Variants in USP6NL observed in about 807,000 individuals in gnomAD.
USP6NL encodes the protein USP6 N-terminal like.
USP6NL carries 26 observed loss-of-function variants against 61.9 expected under a neutral mutation model. The ratio of observed to expected loss-of-function variants is 0.42; its 90% CI spans 0.31 to 0.58. The LOEUF (loss-of-function observed/expected upper bound fraction) is 0.58, where lower values mean the gene tolerates loss of function less well. USP6NL is among the 20% of genes least tolerant of loss of function. USP6NL has a pLI of 0.16. For missense variants in USP6NL, 1,114 were observed against 1,034.3 expected, an observed-to-expected ratio of 1.08 and a Z score of -1.06; for synonymous variants, 432 against 390.1, an observed-to-expected ratio of 1.11 and a Z score of -1.27.
chr10:11,463,754 C>G lies in USP6NL; in HGVS notation c.1174G>C (p.Val392Leu). The change falls in exon 15 of 15, where the codon GTG becomes CTG. Residue 392 changes from valine to leucine, a missense_variant. Transcript: ENST00000609104. This position sits in a 1 kb window ranked among gnomAD's most constrained non-coding sequence, Gnocchi z 6.3. ...CTGGCCAGCGGGCTCGGCCGGCCCA[C>G]GCTCCTCTGTCCGTTGCTCAAGTGA... ...VHHLSNGQRS[V>L]GRPSPLASGR... 1.3e-6 allele frequency: 2 copies of G among 1,584,530 alleles called. No homozygotes were observed. Among genetic ancestry groups the G allele is most frequent in the South Asian group, 2.3e-5 (2 of 87,100 alleles).
intron 14 of USP6NL, among the ~76,000 whole-genome samples, chr10:11,469,196 T>G (rs1397348287): frequency 6.6e-6 from 1 of 152,186 alleles, no homozygotes; most frequent in Admixed American, 6.5e-5. Flanking sequence ...CATCTTAAAG[T>G]TCTTTCATGG....
intron 2 of USP6NL, among the ~76,000 whole-genome samples, chr10:11,582,081 CAGCCTCCCG>C (rs1293982897): frequency 1.3e-5 from 2 of 152,226 alleles, no homozygotes; most frequent in Non-Finnish European, 2.9e-5. Flanking sequence ...TCTCCTGCCA[CAGCCTCCCG>C]AGTAGCTGGA....
rs1380361056 is a variant in USP6NL at position 11,489,891 on chromosome 10, A to G, written c.544-669T>C. Among the ~76,000 whole-genome samples, 2 of 152,218 alleles carry G rather than the reference A, an allele frequency of 1.3e-5. No homozygotes were observed. The highest frequency in any genetic ancestry group is 2.9e-5 in the Non-Finnish European group (2 of 68,034). On this transcript the variant is annotated intron_variant, in intron 9 of 14. Transcript: ENST00000609104. The surrounding 1 kb of genome is among the most constrained non-coding windows in gnomAD (Gnocchi z 5.7). ...TACGTACTGGAACAGAATGCTCACA[A>G]TGAATCTGTGGGTGCAATCTGAGCC...
chr10:11,547,400 G>C (rs1395667338), intron 2 of USP6NL, among the ~76,000 whole-genome samples: 1 of 152,110 alleles, frequency 6.6e-6, no homozygotes, highest in Non-Finnish European at 1.5e-5. Flanking sequence ...CGGCAGAGCG[G>C]GATGTGAACA....
In USP6NL at chr10:11,490,994, T is replaced by A; in HGVS notation, c.495-114A>T. On this transcript the variant is annotated intron_variant, in intron 8 of 14. Transcript: ENST00000609104. The surrounding 1 kb of genome is among the most constrained non-coding windows in gnomAD (Gnocchi z 4.5). ...TGAAAACAGATAATCCAGATAAAAT[T>A]ACTAATGTAATAAATTATCCCAAGT... is the stretch of plus-strand genomic sequence containing the variant. 3.4e-6 allele frequency: 3 copies of A among 888,806 alleles called. No individual in the cohort carries two copies. Among genetic ancestry groups the A allele is most frequent in the Non-Finnish European group, 4.9e-6 (3 of 607,286 alleles). The allele number at this position is 888,806 out of a possible 1,614,324, so 55.1% of individuals were successfully genotyped here. A position where few individuals can be genotyped will look rare whatever the true frequency, so the allele number is the denominator to read the frequency against.
At chr10:11,590,447 A>G (rs1213703054) in intron 2 of USP6NL, among the ~76,000 whole-genome samples, 1 of 152,206 alleles carries the variant, frequency 6.6e-6, no homozygotes, top group South Asian at 2.1e-4. Context: ...TCCAGATACT[A>G]TTGTAAAAAC....
At chr10:11,583,701 C>A (rs1235146899) in intron 2 of USP6NL, among the ~76,000 whole-genome samples, 2 of 152,118 alleles carry the variant, frequency 1.3e-5, no homozygotes, top group African/African-American at 4.8e-5. Flanking sequence ...TAGATTCCAA[C>A]AAAGCTATCA....
intron 2 of USP6NL, among the ~76,000 whole-genome samples, chr10:11,590,241 A>G (rs1838117386): frequency 6.6e-6 from 1 of 152,176 alleles, no homozygotes; most frequent in Admixed American, 6.6e-5. Flanking sequence ...TCCAAAAAAA[A>G]GTCACACCAA....
intron 2 of USP6NL, among the ~76,000 whole-genome samples, chr10:11,571,144 C>T (rs971272227): frequency 4.6e-5 from 7 of 150,876 alleles, no homozygotes; most frequent in South Asian, 2.1e-4. Flanking sequence ...AGTGCAATGG[C>T]GCAATCTCAG....
rs949568782 is a variant in USP6NL, at chr10:11,495,884, G to A, written c.385-2656C>T. ...ACACAAAAAAGCTGCATGCCTGGGTGAGGCTTCCTGACTGTGATCCTGCTC... is the reference window on the plus strand; with the variant it reads ...ACACAAAAAAGCTGCATGCCTGGGTAAGGCTTCCTGACTGTGATCCTGCTC... On this transcript the variant is annotated intron_variant, in intron 7 of 14. Transcript: ENST00000609104. The surrounding 1 kb of genome is among the most constrained non-coding windows in gnomAD (Gnocchi z 4.6). Among the ~76,000 whole-genome samples, 4 of 152,214 alleles carry A rather than the reference G, an allele frequency of 2.6e-5. No homozygotes were observed. The highest frequency in any genetic ancestry group is 9.6e-5 in the African/African-American group (4 of 41,456).
intron 2 of USP6NL, among the ~76,000 whole-genome samples, chr10:11,593,591 T>C (rs1838227120): frequency 6.6e-6 from 1 of 152,212 alleles, no homozygotes; most frequent in South Asian, 2.1e-4. Flanking sequence ...AGGCTTTTTG[T>C]GGATTGTAAT....
chr10:11,603,672 A>G (rs572470290), intron 1 of USP6NL, among the ~76,000 whole-genome samples: 2 of 152,372 alleles, frequency 1.3e-5, no homozygotes, highest in African/African-American at 4.8e-5. Context: ...TTTAATAGAT[A>G]TTAATTCAGC....
chr10:11,518,528 G>A lies in USP6NL; in HGVS notation c.195+7C>T. ...GTAACTGTAAATACATCAAGAGCAG[G>A]ACTTACCCGTTCCACAGCCACATTA... is the stretch of plus-strand genomic sequence containing the variant. On this transcript the variant is annotated splice_region_variant and intron_variant, in intron 5 of 14. Coordinates refer to ENST00000609104, the MANE Select transcript of USP6NL (RefSeq NM_014688.5). This position sits in a 1 kb window ranked among gnomAD's most constrained non-coding sequence, Gnocchi z 5.3. The A allele has an allele frequency of 1.2e-6, 2 of 1,612,040 alleles. No homozygotes were observed. Among genetic ancestry groups the A allele is most frequent in the Non-Finnish European group, 1.7e-6 (2 of 1,178,676 alleles).
chr10:11,483,785 C>T (rs1447697590), intron 13 of USP6NL, among the ~76,000 whole-genome samples: 1 of 151,884 alleles, frequency 6.6e-6, no homozygotes, highest in East Asian at 1.9e-4. Flanking sequence ...CTGGAAGACA[C>T]ATAGTCAATT....
intron 2 of USP6NL, among the ~76,000 whole-genome samples, chr10:11,542,334 T>C (rs982737819): frequency 5.9e-5 from 9 of 152,224 alleles, no homozygotes; most frequent in Non-Finnish European, 2.9e-5. Flanking sequence ...TTAATAGATG[T>C]TTTTTAAATG....
At chr10:11,469,894 G>A (rs1330042150) in intron 14 of USP6NL, among the ~76,000 whole-genome samples, 1 of 152,120 alleles carries the variant, frequency 6.6e-6, no homozygotes, top group Non-Finnish European at 1.5e-5. Context: ...CTGCACCAAC[G>A]TCCATCTCCC....
At chr10:11,472,367 C>A (rs1479127338) in intron 14 of USP6NL, among the ~76,000 whole-genome samples, 1 of 152,224 alleles carries the variant, frequency 6.6e-6, no homozygotes, top group Non-Finnish European at 1.5e-5. Flanking sequence ...ACAAGCCTCG[C>A]CCATCAACGG....
chr10:11,507,164 G>A (rs1004101244), intron 6 of USP6NL, among the ~76,000 whole-genome samples: 8 of 152,150 alleles, frequency 5.3e-5, no homozygotes, highest in Non-Finnish European at 1.2e-4. Flanking sequence ...AGAGGCTTAC[G>A]TACTTTCATA....
intron 2 of USP6NL, among the ~76,000 whole-genome samples, chr10:11,567,710 A>G (rs1322923976): frequency 6.6e-6 from 1 of 152,250 alleles, no homozygotes; most frequent in Non-Finnish European, 1.5e-5. Context: ...CAGCAACAGA[A>G]TAACAACAAT....
Sources: gnomAD v4.1 joint callset for allele counts (sites outside exome capture counted in the v4.1 genomes callset) on GRCh38, gnomAD v4.1.1 for gene constraint, Gnocchi (gnomAD v3.1) non-coding constraint, MANE v1.5 for transcripts, NCBI Gene and HGNC (gene_info 2026-07-23, HGNC 2026-07-21) for gene names.